CD200R1: variants seen among roughly 807,000 people sequenced by gnomAD.
CD200R1 encodes the protein cell surface glycoprotein CD200 receptor 1.
CD200R1 carries 30 observed loss-of-function variants against 38.1 expected under a neutral mutation model. The ratio of observed to expected loss-of-function variants is 0.79; its 90% CI spans 0.59 to 1.07. The LOEUF (loss-of-function observed/expected upper bound fraction) is 1.07, where lower values mean the gene tolerates loss of function less well. CD200R1 is among the 50% of genes least tolerant of loss of function. CD200R1 has a pLI of 0.00. For synonymous variants in CD200R1, 128 were observed against 152.1 expected (o/e 0.84, Z 1.16); for missense variants, 372 against 415.4 (o/e 0.90, Z 0.91).
At chr3:112,926,846 T>C (rs568930973) in intron 5 of CD200R1, among the ~76,000 whole-genome samples, 1 of 151,618 alleles carries the variant, frequency 6.6e-6, no homozygotes, top group African/African-American at 2.4e-5. Flanking sequence ...GATTTCGAAC[T>C]GTTTTTAAGT....
In CD200R1 at chr3:112,921,461, AAG is replaced by A. The variant is rs1940170412; in HGVS notation, c.*2214_*2215del. 6.6e-6 allele frequency: 1 copy of A among 150,982 alleles called. No individual in the cohort carries two copies. Among genetic ancestry groups the A allele is most frequent in the East Asian group, 1.9e-4 (1 of 5,176 alleles). The allele number at this position is 150,982 out of a possible 1,614,324, so 9.4% of individuals were successfully genotyped here. A position where few individuals can be genotyped will look rare whatever the true frequency, so the allele number is the denominator to read the frequency against. Reference sequence around the variant, plus strand: ...ATATTGAAAGAGAGAGAGACAGAGAAAGAGAGAGAAAATTGACAAATCTAGCA... The same window carrying A: ...ATATTGAAAGAGAGAGAGACAGAGAAAGAGAGAAAATTGACAAATCTAGCA... On this transcript the variant is annotated 3_prime_UTR_variant, in exon 8 of 8. Coordinates refer to ENST00000308611, the MANE Select transcript of CD200R1 (RefSeq NM_138806.4).
chr3:112,972,774 A>G (rs1013758201), intron 1 of CD200R1, among the ~76,000 whole-genome samples: 5 of 152,248 alleles, frequency 3.3e-5, no homozygotes, highest in Admixed American at 6.5e-5. Flanking sequence ...TATGTTTTAC[A>G]TTTAAGTCAT....
intron 3 of CD200R1, 49 bp downstream of exon 3, chr3:112,931,057 T>G (rs1232026002): frequency 6.0e-6 from 8 of 1,338,492 alleles, no homozygotes; most frequent in Non-Finnish European, 8.6e-6. Flanking sequence ...TCTAAGGAAG[T>G]TCAACTTTCC....
chr3:112,964,654 C>G (rs551309213), intron 1 of CD200R1, among the ~76,000 whole-genome samples: 16 of 152,286 alleles, frequency 1.1e-4, no homozygotes, highest in African/African-American at 3.4e-4. Flanking sequence ...GGCTCATAGG[C>G]AGAAGAGACT....
chr3:112,957,873 G>C (rs1941137127), intron 1 of CD200R1, among the ~76,000 whole-genome samples: 1 of 152,046 alleles, frequency 6.6e-6, no homozygotes, highest in South Asian at 2.1e-4. Context: ...ATGGCCAATA[G>C]AGTCATGCAA....
At chr3:112,952,427 A>T (rs190387497) in intron 1 of CD200R1, among the ~76,000 whole-genome samples, 3 of 152,340 alleles carry the variant, frequency 2.0e-5, no homozygotes, top group East Asian at 3.9e-4. Context: ...AAAATGTGGC[A>T]CATGTACACC....
intron 1 of CD200R1, among the ~76,000 whole-genome samples, chr3:112,963,562 A>G (rs1393924308): frequency 2.0e-5 from 3 of 152,206 alleles, no homozygotes; most frequent in African/African-American, 7.2e-5. Flanking sequence ...TTTGAACTTG[A>G]GAGAGATGAT....
intron 1 of CD200R1, among the ~76,000 whole-genome samples, chr3:112,953,014 G>A (rs1202848443): frequency 6.6e-6 from 1 of 152,178 alleles, no homozygotes; most frequent in Non-Finnish European, 1.5e-5. Context: ...AGCGGCAAGA[G>A]TGGGCATCCT....
intron 1 of CD200R1, among the ~76,000 whole-genome samples, chr3:112,962,080 C>T (rs543973169): frequency 1.3e-5 from 2 of 152,052 alleles, no homozygotes; most frequent in South Asian, 4.2e-4. Flanking sequence ...TAAATTTGGC[C>T]CTACTTTTTA....
At chr3:112,962,078 G>A (rs1933033355) in intron 1 of CD200R1, among the ~76,000 whole-genome samples, 1 of 152,158 alleles carries the variant, frequency 6.6e-6, no homozygotes, top group Non-Finnish European at 1.5e-5. Flanking sequence ...AATAAATTTG[G>A]CCCTACTTTT....
At chr3:112,971,017 C>T (rs1242490033) in intron 1 of CD200R1, among the ~76,000 whole-genome samples, 2 of 152,044 alleles carry the variant, frequency 1.3e-5, no homozygotes, top group Non-Finnish European at 1.5e-5. Context: ...TTATTCTGTT[C>T]GTGGGATGGA....
In CD200R1 at chr3:112,949,923, G is replaced by A. The variant is rs569204828; in HGVS notation, c.68-1999C>T. Among the ~76,000 whole-genome samples the A allele has an allele frequency of 4.1e-4, 63 of 152,288 alleles. 1 individual carries two copies. Among genetic ancestry groups the A allele is most frequent in the African/African-American group, 1.4e-3 (59 of 41,562 alleles). On this transcript the variant is annotated intron_variant, in intron 1 of 7. Coordinates refer to ENST00000308611, the MANE Select transcript of CD200R1 (RefSeq NM_138806.4). ...TGCACAGCTCCCTGGCACGTGGCTA[G>A]ATGAAGCTGGATTAAAAATAAAGAT...
At chr3:112,936,417 C>A (rs745504095) in intron 2 of CD200R1, among the ~76,000 whole-genome samples, 30 of 152,238 alleles carry the variant, frequency 2.0e-4, no homozygotes, top group Non-Finnish European at 4.0e-4. Context: ...TACACTCCCA[C>A]CAACAGTGTA....
At chr3:112,926,921 C>CGT (rs889312141) in intron 5 of CD200R1, among the ~76,000 whole-genome samples, 4 of 151,928 alleles carry the variant, frequency 2.6e-5, no homozygotes, top group African/African-American at 2.4e-5. Context: ...TTAGTATACA[C>CGT]AAAACTCCAG....
At chr3:112,964,109 G>A (rs1450285309) in intron 1 of CD200R1, among the ~76,000 whole-genome samples, 2 of 152,220 alleles carry the variant, frequency 1.3e-5, no homozygotes, top group Admixed American at 1.3e-4. Context: ...AGATTTCAGA[G>A]GATGTACAGT....
chr3:112,930,538 T>TTGA (rs1940404074), intron 3 of CD200R1, among the ~76,000 whole-genome samples: 1 of 152,222 alleles, frequency 6.6e-6, no homozygotes, highest in Non-Finnish European at 1.5e-5. Context: ...ATCCCATAAA[T>TTGA]CGACACAATG....
chr3:112,970,018 A>C lies in CD200R1; in HGVS notation c.67+4773T>G, dbSNP rs188288369. 2.7e-5 allele frequency among the ~76,000 whole-genome samples: 4 copies of C among 146,736 alleles called. No homozygotes were observed. In the East Asian group the frequency reaches 5.9e-4, roughly 22 times the overall value. Reference sequence around the variant, plus strand: ...AAAACCCTGTCTCTACAAAAAATACAAAAAAAAAAATTAGCCTGGCGTGGT... The same window carrying C: ...AAAACCCTGTCTCTACAAAAAATACCAAAAAAAAAATTAGCCTGGCGTGGT... On this transcript the variant is annotated intron_variant, in intron 1 of 7. Transcript: ENST00000308611.
At chr3:112,924,696 G>A (rs978230857) in intron 6 of CD200R1, among the ~76,000 whole-genome samples, 161 bp from the exon 7 acceptor site, 7 of 151,980 alleles carry the variant, frequency 4.6e-5, no homozygotes, top group African/African-American at 7.2e-5. Context: ...AATACTGCTC[G>A]TGGTTAATAT....
chr3:112,930,444 G>GT (rs748575041), intron 3 of CD200R1, among the ~76,000 whole-genome samples: 2 of 152,152 alleles, frequency 1.3e-5, no homozygotes, highest in Non-Finnish European at 2.9e-5. Flanking sequence ...CACTAAAGGC[G>GT]TAAGTTGATC....
Sources: allele counts gnomAD v4.1 joint callset (sites outside exome capture counted in the v4.1 genomes callset), GRCh38; gene constraint gnomAD v4.1.1; transcripts MANE v1.5; gene names NCBI Gene and HGNC (gene_info 2026-07-23, HGNC 2026-07-21).